Variants in ST3GAL3 observed in about 807,000 individuals in gnomAD.
ST3GAL3 encodes ST3 beta-galactoside alpha-2,3-sialyltransferase 3, also known as CMP-N-acetylneuraminate-beta-1,4-galactoside alpha-2,3-sialyltransferase.
A neutral mutation model predicts 50.1 loss-of-function variants in ST3GAL3; 21 were observed. The ratio of observed to expected loss-of-function variants is 0.42; its 90% CI spans 0.30 to 0.60. ST3GAL3 has a LOEUF of 0.60. ST3GAL3 is among the 20% of genes least tolerant of loss of function. The pLI is 0.19. For missense variants in ST3GAL3, 353 were observed against 489.4 expected, an observed-to-expected ratio of 0.72 and a Z score of 2.63; for synonymous variants, 183 against 190.0, an observed-to-expected ratio of 0.96 and a Z score of 0.30.
At chr1:43,764,586 T>C (rs1401519071) in intron 2 of ST3GAL3, among the ~76,000 whole-genome samples, 6 of 151,992 alleles carry the variant, frequency 3.9e-5, no homozygotes, top group Non-Finnish European at 8.8e-5. Flanking sequence ...GGGAAAGATG[T>C]GGAGATTGTA....
At chr1:43,832,304 C>T (rs897553159) in intron 4 of ST3GAL3, among the ~76,000 whole-genome samples, 4 of 152,182 alleles carry the variant, frequency 2.6e-5, no homozygotes, top group Non-Finnish European at 5.9e-5. Context: ...TGCCTAGCAG[C>T]AAGAGCAGAA....
intron 2 of ST3GAL3, among the ~76,000 whole-genome samples, chr1:43,757,410 C>CAT (rs1375275555): frequency 2.6e-5 from 4 of 152,096 alleles, no homozygotes; most frequent in Admixed American, 1.3e-4. Context: ...CAAAACTTAT[C>CAT]ATAAAGCCAG....
rs1236717882 is a variant in ST3GAL3 at position 43,770,256 on chromosome 1, A to G, written c.119-21846A>G. 1.4e-4 allele frequency among the ~76,000 whole-genome samples: 13 copies of G among 89,728 alleles called. No individual in the cohort carries two copies. The Admixed American group carries it at 1.7e-3, about 11-fold the overall frequency. 58.9% of individuals were successfully genotyped at this position (89,728 alleles called of 152,430 possible). On this transcript the variant is annotated intron_variant, in intron 2 of 11. Coordinates refer to ENST00000347631, the MANE Select transcript of ST3GAL3 (RefSeq NM_006279.5). Reference sequence around the variant, plus strand: ...GGAGGAGAGGAGAGGGGAGGGGAGGAGAGGAGAGGGGAGGGGAGGAGAGGG... The same window carrying G: ...GGAGGAGAGGAGAGGGGAGGGGAGGGGAGGAGAGGGGAGGGGAGGAGAGGG...
At chr1:43,857,696 A>G (rs533810818) in intron 5 of ST3GAL3, among the ~76,000 whole-genome samples, 3 of 147,842 alleles carry the variant, frequency 2.0e-5, no homozygotes, top group Non-Finnish European at 3.0e-5. Flanking sequence ...GCTCACTGCA[A>G]CCTCCACCTC....
At chr1:43,874,561 G>T (rs534784553) in intron 5 of ST3GAL3, among the ~76,000 whole-genome samples, 1 of 152,114 alleles carries the variant, frequency 6.6e-6, no homozygotes, top group Non-Finnish European at 1.5e-5. Context: ...GATAAACAAC[G>T]TATTTGTTTG....
chr1:43,819,618 T>C (rs947758226), intron 4 of ST3GAL3, among the ~76,000 whole-genome samples: 1 of 151,096 alleles, frequency 6.6e-6, no homozygotes, highest in African/African-American at 2.4e-5. Flanking sequence ...TGGAACCCTA[T>C]TGCATAGAAA....
chr1:43,849,316 AT>A (rs1374354518), intron 5 of ST3GAL3, among the ~76,000 whole-genome samples: 12 of 150,868 alleles, frequency 8.0e-5, no homozygotes, highest in Admixed American at 7.3e-4. Context: ...CAAGGTTTTG[AT>A]TTCTGCAGCA....
At chr1:43,874,295 A>G (rs1267411202) in intron 5 of ST3GAL3, among the ~76,000 whole-genome samples, 1 of 152,238 alleles carries the variant, frequency 6.6e-6, no homozygotes, top group Non-Finnish European at 1.5e-5. Context: ...GCATGAAAGT[A>G]ATACGTGACC....
intron 5 of ST3GAL3, among the ~76,000 whole-genome samples, chr1:43,857,640 G>A (rs2068843180): frequency 9.7e-6 from 1 of 103,246 alleles, no homozygotes; most frequent in South Asian, 2.9e-4. Context: ...TCCTTCCTCG[G>A]AGTCTTGCTC....
chr1:43,916,329 T>A (rs1024061262), intron 9 of ST3GAL3, among the ~76,000 whole-genome samples: 3 of 152,162 alleles, frequency 2.0e-5, no homozygotes, highest in African/African-American at 7.2e-5. Context: ...GTGGTGGCAG[T>A]AGGTTTGGGA....
chr1:43,832,005 A>G lies in ST3GAL3; in HGVS notation c.210-6214A>G, dbSNP rs190437293. 1.5e-3 allele frequency among the ~76,000 whole-genome samples: 233 copies of G among 152,252 alleles called. 1 individual carries two copies. Among genetic ancestry groups the G allele is most frequent in the African/African-American group, 5.4e-3 (223 of 41,546 alleles). ...GCCTGGTTTGTGCTCAGTGAATGTT[A>G]CTTCTCTTGTGTCTTTCACTACCAC... On this transcript the variant is annotated intron_variant, in intron 4 of 11. Coordinates refer to ENST00000347631, the MANE Select transcript of ST3GAL3 (RefSeq NM_006279.5).
chr1:43,736,672 C>T (rs1000785641), intron 2 of ST3GAL3: 5 of 486,640 alleles, frequency 1.0e-5, no homozygotes, highest in Non-Finnish European at 1.1e-5. Context: ...AGTTCTTGAA[C>T]GCTTTTGTTC....
At chr1:43,835,082 C>G (rs2064113448) in intron 4 of ST3GAL3, among the ~76,000 whole-genome samples, 1 of 152,114 alleles carries the variant, frequency 6.6e-6, no homozygotes, top group Admixed American at 6.5e-5. Flanking sequence ...GCTTGGTAGT[C>G]ACGTTTGCAG....
intron 4 of ST3GAL3, among the ~76,000 whole-genome samples, chr1:43,827,695 T>C (rs1235254934): frequency 6.6e-6 from 1 of 152,042 alleles, no homozygotes; most frequent in Non-Finnish European, 1.5e-5. Context: ...TTTTATTTTG[T>C]AGAGTCAGGG....
intron 5 of ST3GAL3, among the ~76,000 whole-genome samples, chr1:43,880,509 G>A (rs1020963291): frequency 2.0e-5 from 3 of 151,310 alleles, no homozygotes; most frequent in African/African-American, 4.9e-5. Context: ...CCACTGTTAC[G>A]CTGGCTGTCA....
intron 2 of ST3GAL3, among the ~76,000 whole-genome samples, chr1:43,756,801 C>A (rs906180377): frequency 3.9e-5 from 6 of 152,126 alleles, no homozygotes; most frequent in Non-Finnish European, 7.4e-5. Context: ...AAGATGTTCA[C>A]TAAAACCTAC....
intron 2 of ST3GAL3, among the ~76,000 whole-genome samples, chr1:43,757,152 A>G (rs544579926): frequency 6.6e-6 from 1 of 152,068 alleles, no homozygotes; most frequent in Admixed American, 6.5e-5. Flanking sequence ...TAATCCGCCT[A>G]CCTCAGCCTC....
chr1:43,892,327 A>G (rs538524763), intron 5 of ST3GAL3, among the ~76,000 whole-genome samples: 229 of 151,954 alleles, frequency 1.5e-3, no homozygotes, highest in Non-Finnish European at 2.8e-3. Flanking sequence ...GTGTGATCTG[A>G]CCTCACTGCA....
chr1:43,771,458 C>T (rs988278467), intron 2 of ST3GAL3, among the ~76,000 whole-genome samples: 1 of 151,804 alleles, frequency 6.6e-6, no homozygotes, highest in African/African-American at 2.4e-5. Context: ...CCGGGGTTCA[C>T]ACCATTCTCC....
Sources: gnomAD v4.1 joint callset for allele counts (sites outside exome capture counted in the v4.1 genomes callset) on GRCh38, gnomAD v4.1.1 for gene constraint, MANE v1.5 for transcripts, NCBI Gene and HGNC (gene_info 2026-07-23, HGNC 2026-07-21) for gene names.